The following GLUD1 variants were observed in gnomAD, a reference collection of about 807,000 sequenced individuals.
GLUD1 encodes the protein glutamate dehydrogenase 1.
A neutral mutation model predicts 56.0 loss-of-function variants in GLUD1; 22 were observed. That is an observed-to-expected ratio of 0.39 (90% CI 0.28 to 0.56). The LOEUF is 0.56. GLUD1 is among the 20% of genes least tolerant of loss of function. The pLI is 0.58. For synonymous variants in GLUD1, 223 were observed against 269.9 expected (o/e 0.83, Z 1.70); for missense variants, 451 against 732.0 (o/e 0.62, Z 4.43).
chr10:87,074,508 A>G, intron 4 of GLUD1, 43 bp downstream of exon 4: 1 of 1,129,576 alleles, frequency 8.9e-7, no homozygotes, highest in Non-Finnish European at 1.4e-6. Context: ...AAAAATTTTT[A>G]GATGTTCCCA....
At chr10:87,062,561 A>G in intron 6 of GLUD1, 95 bp downstream of exon 6, 1 of 986,584 alleles carries the variant, frequency 1.0e-6, no homozygotes, top group Non-Finnish European at 1.6e-6. Flanking sequence ...GAGATTTGAG[A>G]TAACTTAATT....
At chr10:87,064,180 TG>T (rs1846014657) in intron 5 of GLUD1, among the ~76,000 whole-genome samples, 1 of 152,216 alleles carries the variant, frequency 6.6e-6, no homozygotes, top group Non-Finnish European at 1.5e-5. Context: ...CCCAAAGTGC[TG>T]GGATTACAGG....
chr10:87,070,848 AGGCCG>A (rs1161453348), intron 4 of GLUD1, among the ~76,000 whole-genome samples: 2 of 151,946 alleles, frequency 1.3e-5, no homozygotes, highest in East Asian at 3.9e-4. Flanking sequence ...GTAGTTCCTG[AGGCCG>A]GGTGCGGTGC....
chr10:87,071,806 C>A (rs1415026322), intron 4 of GLUD1, among the ~76,000 whole-genome samples: 1 of 152,200 alleles, frequency 6.6e-6, no homozygotes, highest in East Asian at 1.9e-4. Context: ...CATAAGAAAA[C>A]TATAGACCAA....
At chr10:87,083,253 AAAAGGAAGGTACTCTACTTAACTC>A in intron 1 of GLUD1, among the ~76,000 whole-genome samples, 1 of 152,112 alleles carries the variant, frequency 6.6e-6, no homozygotes, top group East Asian at 1.9e-4. Context: ...TATGACTGCA[AAAAGGAAGGTACTCTACTTAACTC>A]AATGGATTGG....
intron 4 of GLUD1, among the ~76,000 whole-genome samples, chr10:87,071,429 C>T (rs1846235525): frequency 6.6e-6 from 1 of 152,024 alleles, no homozygotes; most frequent in African/African-American, 2.4e-5. Context: ...TCAGGTGATC[C>T]ACCCGCCTCA....
At chr10:87,060,020 TCTA>T (rs1268605589) in intron 9 of GLUD1, 138 bp downstream of exon 9, 9 of 672,844 alleles carry the variant, frequency 1.3e-5, no homozygotes, top group East Asian at 2.6e-5. Context: ...TAACCATGCT[TCTA>T]CTATATTTTC....
chr10:87,075,494 A>T (rs1415012440), intron 3 of GLUD1, among the ~76,000 whole-genome samples: 3 of 152,224 alleles, frequency 2.0e-5, no homozygotes, highest in Non-Finnish European at 2.9e-5. Flanking sequence ...ATATGGCAAA[A>T]CACGCTATGA....
intron 5 of GLUD1, among the ~76,000 whole-genome samples, chr10:87,066,674 GA>G (rs753355423): frequency 1.1e-4 from 16 of 152,226 alleles, no homozygotes; most frequent in Non-Finnish European, 2.2e-4. Context: ...TGAAAGGACT[GA>G]AAGGACTGGA....
intron 10 of GLUD1, among the ~76,000 whole-genome samples, chr10:87,058,207 A>C (rs1453007353): frequency 6.6e-6 from 1 of 152,216 alleles, no homozygotes; most frequent in Non-Finnish European, 1.5e-5. Flanking sequence ...TTAATCATTT[A>C]AAACTCAGTC....
In GLUD1 at chr10:87,067,984, C is replaced by A. The variant is rs143640942; in HGVS notation, c.741+79G>T. 1.3e-3 allele frequency: 1,098 copies of A among 839,548 alleles called. 3 individuals carry two copies. Among genetic ancestry groups the A allele is most frequent in the Non-Finnish European group, 1.8e-3 (871 of 486,522 alleles). The allele number at this position is 839,548 out of a possible 1,614,324, so 52.0% of individuals were successfully genotyped here. On this transcript the variant is annotated intron_variant, in intron 5 of 12. Coordinates refer to ENST00000277865, the MANE Select transcript of GLUD1 (RefSeq NM_005271.5). Reference sequence around the variant, plus strand: ...GAGAGAAAAACCCAGGGATTCTCAACTTTTGATATAATCAGTCAAACTGTT... The same window carrying A: ...GAGAGAAAAACCCAGGGATTCTCAAATTTTGATATAATCAGTCAAACTGTT...
chr10:87,075,949 A>G lies in GLUD1; in HGVS notation c.582+19T>C, dbSNP rs1198593587. The G allele has an allele frequency of 2.0e-6, 3 of 1,488,640 alleles. No homozygotes were observed. Among genetic ancestry groups the G allele is most frequent in the Non-Finnish European group, 2.8e-6 (3 of 1,070,118 alleles). 92.2% of individuals were successfully genotyped at this position (1,488,640 alleles called of 1,614,324 possible). A position where few individuals can be genotyped will look rare whatever the true frequency, so the allele number is the denominator to read the frequency against. On this transcript the variant is annotated intron_variant, in intron 3 of 12. Transcript: ENST00000277865. ...AAACAACAACAACAATAAAAAACAA[A>G]TATCACTTTCATACTTACAGTATAG...
chr10:87,064,038 C>T (rs1294494150), intron 5 of GLUD1, among the ~76,000 whole-genome samples: 2 of 152,168 alleles, frequency 1.3e-5, no homozygotes, highest in East Asian at 1.9e-4. Context: ...CCATCACGCC[C>T]GGCTAATTTT....
At chr10:87,090,076 AATAAAT>A (rs752457356) in intron 1 of GLUD1, among the ~76,000 whole-genome samples, 1 of 152,234 alleles carries the variant, frequency 6.6e-6, no homozygotes, top group Non-Finnish European at 1.5e-5. Flanking sequence ...TATTGGGTAA[AATAAAT>A]AGAAAAGAAG....
Position 87,060,835 on chromosome 10 carries a change from A to T in GLUD1, c.1060-10T>A, listed in dbSNP as rs17096421. The T allele has an allele frequency of 0.045, 72,426 of 1,614,148 alleles. 2,019 individuals carry two copies. Among genetic ancestry groups the T allele is most frequent in the Non-Finnish European group, 0.054 (64,211 of 1,180,012 alleles). On this transcript the variant is annotated splice_polypyrimidine_tract_variant and intron_variant, in intron 7 of 12. Transcript: ENST00000277865. ...GAATGGACCCATGTTGCTGCCATTG[A>T]TTGAAAATCACAATTAATAGCTGCA... is the stretch of plus-strand genomic sequence containing the variant.
intron 1 of GLUD1, among the ~76,000 whole-genome samples, chr10:87,089,411 T>C (rs976493531): frequency 2.0e-5 from 3 of 152,250 alleles, no homozygotes; most frequent in Admixed American, 2.0e-4. Flanking sequence ...GACAACAGTG[T>C]ATTGCATGAG....
intron 1 of GLUD1, chr10:87,091,539 A>C: frequency 1.4e-6 from 1 of 696,072 alleles, no homozygotes; most frequent in East Asian, 1.3e-4. Flanking sequence ...TTAAGGCCTC[A>C]CTTAAACTTC....
chr10:87,094,190 G>A lies in GLUD1; in HGVS notation c.445+135C>T. 7.2e-7 allele frequency: 1 copy of A among 1,387,718 alleles called. No individual in the cohort carries two copies. The highest frequency in any genetic ancestry group is 9.6e-7 in the Non-Finnish European group (1 of 1,044,864). The allele number at this position is 1,387,718 out of a possible 1,614,324, so 86.0% of individuals were successfully genotyped here. On this transcript the variant is annotated intron_variant, in intron 1 of 12. Transcript: ENST00000277865. The surrounding 1 kb of genome is among the most constrained non-coding windows in gnomAD (Gnocchi z 6.6). ...CAGAGCCGGCCACATCCGAGGCGGG[G>A]TGACCCGGGCGGGGACCCGGCCCGC...
chr10:87,056,115 CAAAAAAAAA>C (rs201114912), intron 11 of GLUD1, among the ~76,000 whole-genome samples: 771 of 62,788 alleles, frequency 0.012, 8 homozygotes, highest in African/African-American at 0.051. Context: ...GACTCTGTCT[CAAAAAAAAA>C]AAAAAAAAAA....
Sources: allele counts gnomAD v4.1 joint callset (sites outside exome capture counted in the v4.1 genomes callset), GRCh38; gene constraint gnomAD v4.1.1; non-coding constraint Gnocchi (gnomAD v3.1); transcripts MANE v1.5; gene names NCBI Gene and HGNC (gene_info 2026-07-23, HGNC 2026-07-21).